The following CNTNAP5 variants were observed in gnomAD, a reference collection of about 807,000 sequenced individuals.
CNTNAP5 encodes contactin-associated protein-like 5.
A neutral mutation model predicts 150.2 loss-of-function variants in CNTNAP5; 72 were observed. The observed-to-expected ratio is 0.48, with a 90% confidence interval of 0.40 to 0.58. The LOEUF (loss-of-function observed/expected upper bound fraction) is 0.58, where lower values mean the gene tolerates loss of function less well. CNTNAP5 is among the 20% of genes least tolerant of loss of function. The pLI is 0.00. For synonymous variants in CNTNAP5, 672 were observed against 619.8 expected (o/e 1.08, Z -1.25); for missense variants, 1,636 against 1,626.2 (o/e 1.01, Z -0.10).
intron 7 of CNTNAP5, among the ~76,000 whole-genome samples, chr2:124,485,815 G>C (rs1218294422): frequency 6.6e-6 from 1 of 151,974 alleles, no homozygotes; most frequent in Admixed American, 6.6e-5. Context: ...GAACCTGGAA[G>C]CATCTTCCAG....
chr2:124,407,090 T>C (rs192037593), intron 3 of CNTNAP5, among the ~76,000 whole-genome samples: 6 of 152,326 alleles, frequency 3.9e-5, no homozygotes, highest in East Asian at 3.9e-4. Context: ...TATTCATCTA[T>C]TGATGGACAC....
chr2:124,651,814 G>A (rs1249153491), intron 13 of CNTNAP5, among the ~76,000 whole-genome samples: 1 of 152,160 alleles, frequency 6.6e-6, no homozygotes, highest in Admixed American at 6.5e-5. Flanking sequence ...ATTCCTGGGC[G>A]GCATCAGAGG....
rs181912519 is a variant in CNTNAP5 at position 124,897,494 on chromosome 2, C to T, written c.3437-5388C>T. Among the ~76,000 whole-genome samples, 41 of 151,496 alleles carry T rather than the reference C, an allele frequency of 2.7e-4. 3 individuals are homozygous for T. The highest frequency in any genetic ancestry group is 8.8e-4 in the African/African-American group (36 of 40,928). On this transcript the variant is annotated intron_variant, in intron 21 of 23. Coordinates refer to ENST00000682447, the MANE Select transcript of CNTNAP5 (RefSeq NM_001367498.1). ...TTGCAGAGCAGGTACAGAAGTTATC[C>T]AGGTCATAAAGGGACAGAACAGTCT...
intron 13 of CNTNAP5, among the ~76,000 whole-genome samples, chr2:124,702,036 G>T (rs1377465860): frequency 6.6e-6 from 1 of 151,818 alleles, no homozygotes; most frequent in Non-Finnish European, 1.5e-5. Flanking sequence ...TTCTCTTTAT[G>T]ACTTATCAGA....
intron 12 of CNTNAP5, among the ~76,000 whole-genome samples, chr2:124,630,618 T>C (rs897152274): frequency 2.0e-5 from 3 of 152,148 alleles, no homozygotes; most frequent in Non-Finnish European, 2.9e-5. Context: ...GCCAACATCA[T>C]ACTGAATGGA....
chr2:124,517,382 A>G (rs1253375716), intron 8 of CNTNAP5, among the ~76,000 whole-genome samples: 59 of 90,824 alleles, frequency 6.5e-4, no homozygotes, highest in Middle Eastern at 0.011. Context: ...TGGTGTTGGT[A>G]AAGAGGGGTT....
chr2:124,590,267 C>T (rs889070574), intron 11 of CNTNAP5, among the ~76,000 whole-genome samples: 3 of 152,156 alleles, frequency 2.0e-5, no homozygotes, highest in South Asian at 4.1e-4. Context: ...TATGGCCGCA[C>T]CTGCACTCTC....
At chr2:124,525,007 C>T (rs1694932297) in intron 9 of CNTNAP5, among the ~76,000 whole-genome samples, 1 of 152,106 alleles carries the variant, frequency 6.6e-6, no homozygotes, top group African/African-American at 2.4e-5. Context: ...GGTGTAGAAG[C>T]CAGTTCAGAT....
At chr2:124,793,517 A>G (rs1009927023) in intron 18 of CNTNAP5, among the ~76,000 whole-genome samples, 4 of 152,156 alleles carry the variant, frequency 2.6e-5, no homozygotes, top group African/African-American at 9.7e-5. Flanking sequence ...TTGAAACACT[A>G]AATTTTAAAT....
intron 1 of CNTNAP5, among the ~76,000 whole-genome samples, chr2:124,133,843 C>CA (rs1314208809): frequency 6.6e-6 from 1 of 152,114 alleles, no homozygotes; most frequent in Non-Finnish European, 1.5e-5. Flanking sequence ...AAATGGCAAA[C>CA]AAAAACCCCA....
At chr2:124,166,190 C>A (rs1376285510) in intron 1 of CNTNAP5, among the ~76,000 whole-genome samples, 1 of 152,154 alleles carries the variant, frequency 6.6e-6, no homozygotes, top group Non-Finnish European at 1.5e-5. Context: ...CATTAGCCAT[C>A]GTTCCTATGG....
intron 13 of CNTNAP5, among the ~76,000 whole-genome samples, chr2:124,648,901 G>T (rs1341532444): frequency 6.6e-6 from 1 of 152,128 alleles, no homozygotes; most frequent in Non-Finnish European, 1.5e-5. Flanking sequence ...ACTTTGAAAG[G>T]CTGGGGAAAA....
chr2:124,506,187 T>G, intron 8 of CNTNAP5, among the ~76,000 whole-genome samples: 2 of 68,882 alleles, frequency 2.9e-5, no homozygotes, highest in African/African-American at 6.6e-5. Flanking sequence ...AGCAGACTTT[T>G]AAAGAAAAAA....
chr2:124,762,724 C>A (rs2104599188), intron 14 of CNTNAP5, among the ~76,000 whole-genome samples: 1 of 152,176 alleles, frequency 6.6e-6, no homozygotes, highest in South Asian at 2.1e-4. Flanking sequence ...AAACTATGTC[C>A]TTAAAGACCT....
At chr2:124,257,533 C>G (rs992574565) in intron 3 of CNTNAP5, among the ~76,000 whole-genome samples, 1 of 152,200 alleles carries the variant, frequency 6.6e-6, no homozygotes, top group African/African-American at 2.4e-5. Flanking sequence ...TACGTCTCCA[C>G]CTTCTGTAAA....
chr2:124,694,686 C>T (rs1245022264), intron 13 of CNTNAP5, among the ~76,000 whole-genome samples: 1 of 152,124 alleles, frequency 6.6e-6, no homozygotes, highest in Non-Finnish European at 1.5e-5. Flanking sequence ...GGATGCAGAG[C>T]AATTTACAAA....
rs548009994 is a variant in CNTNAP5, at chr2:124,897,801, C to T, written c.3437-5081C>T. On this transcript the variant is annotated intron_variant, in intron 21 of 23. Coordinates refer to ENST00000682447, the MANE Select transcript of CNTNAP5 (RefSeq NM_001367498.1). ...TAATTTACTTTAAACAATTACTTGACCTTATGTGTTTTGTCTTTCCAAACT... is the reference window on the plus strand; with the variant it reads ...TAATTTACTTTAAACAATTACTTGATCTTATGTGTTTTGTCTTTCCAAACT... 2.0e-5 allele frequency among the ~76,000 whole-genome samples: 3 copies of T among 151,492 alleles called. No individual in the cohort carries two copies. The East Asian group carries it at 5.8e-4, about 29-fold the overall frequency.
In CNTNAP5 at chr2:124,655,426, G is replaced by T. The variant is rs544483506; in HGVS notation, c.2077+7468G>T. On this transcript the variant is annotated intron_variant, in intron 13 of 23. Transcript: ENST00000682447. ...ACATTTAGGTTGGTCCCAAGTCTTT[G>T]TTACTGTAAATAGTGCTGCAATAAA... Among the ~76,000 whole-genome samples, 136 of 151,894 alleles carry T rather than the reference G, an allele frequency of 9.0e-4. 1 individual carries two copies. The highest frequency in any genetic ancestry group is 1.7e-3 in the Non-Finnish European group (114 of 67,998).
intron 17 of CNTNAP5, among the ~76,000 whole-genome samples, chr2:124,785,288 T>C: frequency 6.6e-6 from 1 of 152,172 alleles, no homozygotes; most frequent in South Asian, 2.1e-4. Context: ...GTGCATGCCC[T>C]ATCTTAAAGG....
Sources: allele counts gnomAD v4.1 joint callset (sites outside exome capture counted in the v4.1 genomes callset), GRCh38; gene constraint gnomAD v4.1.1; transcripts MANE v1.5; gene names NCBI Gene and HGNC (gene_info 2026-07-23, HGNC 2026-07-21).